The following SGCD variants were observed in gnomAD, a reference collection of about 807,000 sequenced individuals.
SGCD encodes the protein sarcoglycan delta, also known as delta-sarcoglycan.
A neutral mutation model predicts 36.6 loss-of-function variants in SGCD; 18 were observed. That is an observed-to-expected ratio of 0.49 (90% CI 0.34 to 0.73). The LOEUF (loss-of-function observed/expected upper bound fraction) is 0.73. Among genes scored for constraint, SGCD ranks in the 30% least tolerant of loss-of-function variants. SGCD has a pLI of 0.01. For missense variants in SGCD, 387 were observed against 346.7 expected (o/e 1.12, Z -0.92); for synonymous variants, 133 against 130.6 (o/e 1.02, Z -0.12).
intron 3 of SGCD, among the ~76,000 whole-genome samples, chr5:156,478,033 G>A (rs1172959611): frequency 2.0e-5 from 3 of 152,060 alleles, no homozygotes; most frequent in Admixed American, 6.6e-5. Context: ...AGAACAATCA[G>A]AGGGGGAGCA....
intron 1 of SGCD, among the ~76,000 whole-genome samples, chr5:156,028,214 G>C (rs922777787): frequency 1.3e-5 from 2 of 152,130 alleles, no homozygotes; most frequent in Non-Finnish European, 2.9e-5. Context: ...AGTCATAATG[G>C]CAGTATCGAA....
At chr5:155,920,098 G>T (rs147063244) in intron 1 of SGCD, among the ~76,000 whole-genome samples, 107 of 152,252 alleles carry the variant, frequency 7.0e-4, no homozygotes, top group Non-Finnish European at 1.5e-3. Flanking sequence ...TGTCCTGGCT[G>T]CCTCAGACAC....
At chr5:155,813,290 C>G in the SGCD span, among the ~76,000 whole-genome samples, 1 of 151,856 alleles carries the variant, frequency 6.6e-6, no homozygotes, top group African/African-American at 2.4e-5. Context: ...ATGATCAAAG[C>G]TTGTCTTGAA....
chr5:155,827,591 A>G, the SGCD span, among the ~76,000 whole-genome samples: 1 of 151,970 alleles, frequency 6.6e-6, no homozygotes, highest in African/African-American at 2.4e-5. Flanking sequence ...GTATTTCACA[A>G]GCTTTCTGTT....
chr5:156,369,630 C>T (rs1770280835), intron 3 of SGCD, among the ~76,000 whole-genome samples: 1 of 152,188 alleles, frequency 6.6e-6, no homozygotes, highest in Admixed American at 6.5e-5. Context: ...CTACATTTCC[C>T]TTACTAGCTT....
At chr5:155,802,087 G>A in the SGCD span, among the ~76,000 whole-genome samples, 1 of 152,140 alleles carries the variant, frequency 6.6e-6, no homozygotes, top group Non-Finnish European at 1.5e-5. Flanking sequence ...GACCCAAGCT[G>A]GGTCAGATGA....
intron 1 of SGCD, among the ~76,000 whole-genome samples, chr5:155,954,678 C>A (rs1757614152): frequency 6.6e-6 from 1 of 151,324 alleles, no homozygotes; most frequent in Non-Finnish European, 1.5e-5. Flanking sequence ...TCTTTACCAA[C>A]TTTGTTCTAT....
At chr5:156,004,112 A>C (rs1758713349) in intron 1 of SGCD, among the ~76,000 whole-genome samples, 1 of 152,362 alleles carries the variant, frequency 6.6e-6, no homozygotes, top group East Asian at 1.9e-4. Context: ...GTCTTCAAAG[A>C]GTAAATAAAT....
chr5:156,024,352 A>G (rs1468600360), intron 1 of SGCD, among the ~76,000 whole-genome samples: 2 of 151,540 alleles, frequency 1.3e-5, no homozygotes, highest in Admixed American at 1.3e-4. Context: ...TGCTTGCCCT[A>G]TGAAATGTTG....
intron 3 of SGCD, among the ~76,000 whole-genome samples, chr5:156,227,247 G>C (rs1764883808): frequency 1.3e-5 from 2 of 152,138 alleles, no homozygotes; most frequent in Admixed American, 6.6e-5. Context: ...TTAGGTTTAA[G>C]TCCTTAATCC....
upstream of SGCD, among the ~76,000 whole-genome samples, chr5:156,325,487 G>A (rs1767782416): frequency 6.6e-6 from 1 of 152,134 alleles, no homozygotes; most frequent in East Asian, 1.9e-4. Flanking sequence ...CACAGATGAG[G>A]AAACAGATCG....
At chr5:155,879,634 A>G (rs1175279227) in intron 1 of SGCD, among the ~76,000 whole-genome samples, 2 of 152,106 alleles carry the variant, frequency 1.3e-5, no homozygotes, top group South Asian at 2.1e-4. Flanking sequence ...AATAAAATAT[A>G]TGGAGAAAAG....
chr5:156,009,372 A>G (rs1758813588), intron 1 of SGCD, among the ~76,000 whole-genome samples: 1 of 152,048 alleles, frequency 6.6e-6, no homozygotes, highest in African/African-American at 2.4e-5. Flanking sequence ...ATTGGCCTCT[A>G]CCATATACAT....
At chr5:155,911,463 G>C (rs557653243) in intron 1 of SGCD, among the ~76,000 whole-genome samples, 1 of 151,830 alleles carries the variant, frequency 6.6e-6, no homozygotes, top group Non-Finnish European at 1.5e-5. Flanking sequence ...GTTCACAATA[G>C]TATTTGTATT....
At chr5:155,803,317 C>A in the SGCD span, among the ~76,000 whole-genome samples, 2 of 152,178 alleles carry the variant, frequency 1.3e-5, no homozygotes, top group African/African-American at 4.8e-5. Context: ...ACCGAGATGC[C>A]GGAGTCATCA....
intron 3 of SGCD, among the ~76,000 whole-genome samples, chr5:156,378,085 G>A: frequency 6.6e-6 from 1 of 152,116 alleles, no homozygotes; most frequent in East Asian, 1.9e-4. Flanking sequence ...CTAGACAGAA[G>A]GTAGAGCAAC....
chr5:156,199,430 G>A (rs1262854691), intron 3 of SGCD, among the ~76,000 whole-genome samples: 1 of 152,102 alleles, frequency 6.6e-6, no homozygotes, highest in Non-Finnish European at 1.5e-5. Flanking sequence ...TTTACATAGT[G>A]CCCTACACAT....
At chr5:156,401,829 G>A (rs1167415352) in intron 3 of SGCD, among the ~76,000 whole-genome samples, 1 of 151,992 alleles carries the variant, frequency 6.6e-6, no homozygotes, top group African/African-American at 2.4e-5. Flanking sequence ...TAGTTCAAGC[G>A]ACATTAAGTA....
intron 3 of SGCD, among the ~76,000 whole-genome samples, chr5:156,209,851 A>T (rs764929252): frequency 4.6e-5 from 7 of 151,958 alleles, no homozygotes; most frequent in Non-Finnish European, 1.0e-4. Flanking sequence ...CACACTCTAC[A>T]CCAGGTCCCT....
Sources: allele counts gnomAD v4.1 joint callset (sites outside exome capture counted in the v4.1 genomes callset), GRCh38; gene constraint gnomAD v4.1.1; transcripts MANE v1.5; gene names NCBI Gene and HGNC (gene_info 2026-07-23, HGNC 2026-07-21).